FRMD3: variants seen among roughly 807,000 people sequenced by gnomAD.
FRMD3 encodes FERM domain-containing protein 3.
Under a neutral mutation model 70.2 loss-of-function variants are expected in FRMD3, and 33 were observed. That is an observed-to-expected ratio of 0.47 (90% CI 0.36 to 0.63). FRMD3 has a LOEUF of 0.63. FRMD3 is among the 20% of genes least tolerant of loss of function. The pLI is 0.00. For synonymous variants in FRMD3, 279 were observed against 255.9 expected (o/e 1.09, Z -0.86); for missense variants, 632 against 711.4 (o/e 0.89, Z 1.27).
At chr9:83,350,050 C>T (rs182019166) in intron 3 of FRMD3, among the ~76,000 whole-genome samples, 62 of 152,254 alleles carry the variant, frequency 4.1e-4, no homozygotes, top group African/African-American at 1.5e-3. Flanking sequence ...TCATTCTCTC[C>T]AGCACACAGC....
At position 83,265,089 on chromosome 9, in the gene FRMD3, T is replaced by C. The variant is rs529544724; in HGVS notation, c.1196-16573A>G. Among the ~76,000 whole-genome samples the C allele has an allele frequency of 2.6e-4, 39 of 151,984 alleles. No individual in the cohort carries two copies. In the South Asian group the frequency reaches 3.5e-3, roughly 14 times the overall value. On this transcript the variant is annotated intron_variant, in intron 13 of 13. Coordinates refer to ENST00000304195, the MANE Select transcript of FRMD3 (RefSeq NM_174938.6). ...AGCAAATAGTTTGCACATACAGAAG[T>C]TCTCTGTGCATATAAAAAGTGCCCG...
intron 13 of FRMD3, among the ~76,000 whole-genome samples, chr9:83,289,252 C>A (rs1834325531): frequency 6.6e-6 from 1 of 152,136 alleles, no homozygotes; most frequent in Non-Finnish European, 1.5e-5. Flanking sequence ...ACCCAGAGGC[C>A]CTTAGGCTAA....
the FRMD3 span, among the ~76,000 whole-genome samples, chr9:83,561,671 T>A: frequency 6.6e-6 from 1 of 152,222 alleles, no homozygotes; most frequent in African/African-American, 2.4e-5. Context: ...AATGAAAGAA[T>A]ATGGCAAACC....
At chr9:83,573,691 T>C in the FRMD3 span, among the ~76,000 whole-genome samples, 1 of 152,092 alleles carries the variant, frequency 6.6e-6, no homozygotes, top group African/African-American at 2.4e-5. Flanking sequence ...AATGATGACC[T>C]TGAATACCTT....
chr9:83,580,131 A>G, the FRMD3 span, among the ~76,000 whole-genome samples: 1 of 152,144 alleles, frequency 6.6e-6, no homozygotes, highest in African/African-American at 2.4e-5. Context: ...AGAAAAGATA[A>G]CAAGTGTTGG....
intron 13 of FRMD3, chr9:83,266,952 A>T: frequency 6.7e-7 from 1 of 1,500,040 alleles, no homozygotes; most frequent in Non-Finnish European, 9.0e-7. Flanking sequence ...AGCAGTGAGC[A>T]GGAAGCTGGA....
At chr9:83,358,190 T>C (rs535569071) in intron 3 of FRMD3, among the ~76,000 whole-genome samples, 1 of 152,312 alleles carries the variant, frequency 6.6e-6, no homozygotes, top group African/African-American at 2.4e-5. Context: ...TTGAACAGGG[T>C]GTCCTTTCCC....
In FRMD3 at chr9:83,310,033, C is replaced by T. The variant is rs561083387; in HGVS notation, c.838-409G>A. On this transcript the variant is annotated intron_variant, in intron 9 of 13. Transcript: ENST00000304195. ...GGCTTAATATTTTGTTAATGGTCTC[C>T]GCACAAATGCATTCCCTGGTGAATC... is the stretch of plus-strand genomic sequence containing the variant. 1.7e-4 allele frequency among the ~76,000 whole-genome samples: 26 copies of T among 152,292 alleles called. No individual in the cohort carries two copies. In the East Asian group the frequency reaches 2.7e-3, roughly 16 times the overall value.
intron 13 of FRMD3, among the ~76,000 whole-genome samples, chr9:83,278,725 A>T (rs2118887974): frequency 6.6e-6 from 1 of 152,330 alleles, no homozygotes; most frequent in Admixed American, 6.5e-5. Context: ...GGTCAGAGTC[A>T]GAAGCCCGGT....
intron 1 of FRMD3, among the ~76,000 whole-genome samples, chr9:83,515,059 T>C (rs1003229265): frequency 1.3e-5 from 2 of 152,146 alleles, no homozygotes; most frequent in Non-Finnish European, 2.9e-5. Context: ...ATCTCTTCTC[T>C]TCAAAAAGGA....
chr9:83,335,162 C>T (rs563887701), intron 6 of FRMD3, among the ~76,000 whole-genome samples: 7 of 152,228 alleles, frequency 4.6e-5, no homozygotes, highest in East Asian at 1.9e-4. Flanking sequence ...CTATGGCCAC[C>T]GGTGGGAAAA....
chr9:83,465,363 G>A (rs1275350661), intron 1 of FRMD3, among the ~76,000 whole-genome samples: 1 of 152,154 alleles, frequency 6.6e-6, no homozygotes, highest in African/African-American at 2.4e-5. Flanking sequence ...GCCGAGGCAG[G>A]AGGATCACTT....
chr9:83,411,467 C>T (rs1383301519), intron 1 of FRMD3, among the ~76,000 whole-genome samples: 1 of 152,166 alleles, frequency 6.6e-6, no homozygotes, highest in Non-Finnish European at 1.5e-5. Flanking sequence ...TTGGTTCACC[C>T]TAACAATGGT....
intron 1 of FRMD3, among the ~76,000 whole-genome samples, chr9:83,451,389 T>TCACACACACACACACACA (rs10611241): frequency 6.8e-6 from 1 of 147,478 alleles, no homozygotes; most frequent in East Asian, 2.0e-4. Context: ...AATACATACA[T>TCACACACACACACACACA]CACACACACA....
At chr9:83,302,997 C>G (rs1054797994) in intron 10 of FRMD3, among the ~76,000 whole-genome samples, 2 of 152,190 alleles carry the variant, frequency 1.3e-5, no homozygotes, top group African/African-American at 4.8e-5. Flanking sequence ...CAGATCGTCT[C>G]TGCAGGAGCA....
At chr9:83,482,863 C>A (rs1828601272) in intron 1 of FRMD3, among the ~76,000 whole-genome samples, 1 of 152,138 alleles carries the variant, frequency 6.6e-6, no homozygotes, top group South Asian at 2.1e-4. Flanking sequence ...GGCATGAACA[C>A]TGAGCCTACA....
intron 13 of FRMD3, among the ~76,000 whole-genome samples, chr9:83,279,673 T>C (rs1225639146): frequency 6.6e-6 from 1 of 152,066 alleles, no homozygotes; most frequent in Non-Finnish European, 1.5e-5. Flanking sequence ...CTGGAAGCCA[T>C]TAGCTTCAGA....
intron 1 of FRMD3, among the ~76,000 whole-genome samples, chr9:83,435,560 G>A (rs936782123): frequency 5.3e-5 from 8 of 152,064 alleles, no homozygotes; most frequent in African/African-American, 4.8e-5. Flanking sequence ...AGCCACCACC[G>A]AGAAGGCTGT....
intron 13 of FRMD3, among the ~76,000 whole-genome samples, chr9:83,274,970 G>A (rs909337570): frequency 4.6e-5 from 7 of 152,216 alleles, no homozygotes; most frequent in Admixed American, 4.6e-4. Flanking sequence ...GTGGCTTCCA[G>A]GCCTCTTGCT....
Sources: allele counts gnomAD v4.1 joint callset (sites outside exome capture counted in the v4.1 genomes callset), GRCh38; gene constraint gnomAD v4.1.1; transcripts MANE v1.5; gene names NCBI Gene and HGNC (gene_info 2026-07-23, HGNC 2026-07-21).